EDEM1: variants seen among roughly 807,000 people sequenced by gnomAD.
EDEM1 encodes ER degradation-enhancing alpha-mannosidase-like protein 1.
In EDEM1, 67 loss-of-function variants were observed where a neutral mutation model predicts 74.4. The observed-to-expected ratio is 0.90, with a 90% CI of 0.74 to 1.10. EDEM1 has a LOEUF of 1.10. Among genes scored for constraint, EDEM1 ranks in the 50% least tolerant of loss-of-function variants. EDEM1 has a pLI of 0.00. For missense variants in EDEM1, 926 were observed against 851.6 expected (o/e 1.09, Z -1.09); for synonymous variants, 382 against 335.9 (o/e 1.14, Z -1.50).
At position 5,218,663 on chromosome 3, in the gene EDEM1, T is replaced by A. The variant is rs1488696773; in HGVS notation, c.*2745T>A. The A allele has an allele frequency of 6.6e-6, 1 of 152,182 alleles. No individual in the cohort carries two copies. The highest frequency in any genetic ancestry group is 1.5e-5 in the Non-Finnish European group (1 of 68,042). The allele number at this position is 152,182 out of a possible 1,614,324, so 9.4% of individuals were successfully genotyped here. On this transcript the variant is annotated 3_prime_UTR_variant, in exon 12 of 12. Transcript: ENST00000256497. Reference sequence around the variant, plus strand: ...CTGTTGTAGAAAGCTGCCTTATAGTTGGCTTGACAAAGCATAATTCTCTCA... The same window carrying A: ...CTGTTGTAGAAAGCTGCCTTATAGTAGGCTTGACAAAGCATAATTCTCTCA...
intron 1 of EDEM1, among the ~76,000 whole-genome samples, chr3:5,190,800 C>A (rs1017496727): frequency 2.0e-5 from 3 of 152,170 alleles, no homozygotes; most frequent in Non-Finnish European, 4.4e-5. Context: ...TTGCCACTTA[C>A]AAACAGTGGA....
chr3:5,196,913 G>A (rs183706987), intron 2 of EDEM1, among the ~76,000 whole-genome samples: 1 of 150,260 alleles, frequency 6.7e-6, no homozygotes, highest in East Asian at 1.9e-4. Context: ...CATCGTCGTC[G>A]TCTTTTCTTT....
intron 5 of EDEM1, among the ~76,000 whole-genome samples, chr3:5,203,376 C>T (rs758823868): frequency 6.6e-6 from 1 of 152,164 alleles, no homozygotes; most frequent in African/African-American, 2.4e-5. Flanking sequence ...GATTCGGATC[C>T]CCTGGCATAT....
At position 5,219,607 on chromosome 3, in the gene EDEM1, A is replaced by G. The variant is rs1042550289; in HGVS notation, c.*3689A>G. The G allele has an allele frequency of 2.0e-5, 3 of 152,418 alleles. No homozygotes were observed. Among genetic ancestry groups the G allele is most frequent in the African/African-American group, 7.2e-5 (3 of 41,460 alleles). 9.4% of individuals were successfully genotyped at this position (152,418 alleles called of 1,614,324 possible). On this transcript the variant is annotated 3_prime_UTR_variant, in exon 12 of 12. Transcript: ENST00000256497. ...TTCCTTCTTTCTGCAAGGCAGAGGAATAATATTTTTAAAGGTTATTTTGTT... is the reference window on the plus strand; with the variant it reads ...TTCCTTCTTTCTGCAAGGCAGAGGAGTAATATTTTTAAAGGTTATTTTGTT...
At chr3:5,209,337 C>T (rs1050752464) in intron 8 of EDEM1, among the ~76,000 whole-genome samples, 1 of 152,130 alleles carries the variant, frequency 6.6e-6, no homozygotes, top group Non-Finnish European at 1.5e-5. Context: ...GATGGCGTGC[C>T]GGTTACTGGC....
At chr3:5,215,754 A>C in intron 11 of EDEM1, 75 bp from the exon 12 acceptor site, 1 of 1,372,054 alleles carries the variant, frequency 7.3e-7, no homozygotes, top group East Asian at 2.3e-5. Context: ...GAAACCCTGG[A>C]TTAAGTCATC....
chr3:5,207,983 A>G, intron 7 of EDEM1, 110 bp from the exon 8 acceptor site: 1 of 1,314,888 alleles, frequency 7.6e-7, no homozygotes, highest in East Asian at 2.4e-5. Flanking sequence ...CCGTATGTGT[A>G]GGTCAACTAA....
chr3:5,210,545 G>A lies in EDEM1; in HGVS notation c.1583+297G>A, dbSNP rs924010237. On this transcript the variant is annotated intron_variant, in intron 9 of 11. Coordinates refer to ENST00000256497, the MANE Select transcript of EDEM1 (RefSeq NM_014674.3). The stretch of plus-strand genomic sequence containing the variant: ...GGAGTACAGAAAATATAAAGCAGTA[G>A]AATATTATCACTGTAATCTCCACAT... Among the ~76,000 whole-genome samples, 8 of 152,146 alleles carry A rather than the reference G, an allele frequency of 5.3e-5. No individual in the cohort carries two copies. In the South Asian group the frequency reaches 1.7e-3, roughly 32 times the overall value.
At chr3:5,205,289 T>C (rs2055083189) in intron 6 of EDEM1, 48 bp downstream of exon 6, 1 of 1,568,228 alleles carries the variant, frequency 6.4e-7, no homozygotes, top group Non-Finnish European at 8.7e-7. Flanking sequence ...GCAAATAGAA[T>C]GCATTCTGAA....
chr3:5,194,429 T>A (rs1183460111), intron 1 of EDEM1, among the ~76,000 whole-genome samples: 1 of 152,202 alleles, frequency 6.6e-6, no homozygotes, highest in African/African-American at 2.4e-5. Flanking sequence ...TGTTGTTGAC[T>A]TTTTTGTAAA....
intron 8 of EDEM1, 49 bp downstream of exon 8, chr3:5,208,312 C>G: frequency 6.3e-7 from 1 of 1,574,990 alleles, no homozygotes; most frequent in Non-Finnish European, 8.6e-7. Context: ...CTCCCCTGAC[C>G]CCAGCAGTTC....
At chr3:5,203,207 A>G in intron 5 of EDEM1, 58 bp downstream of exon 5, 3 of 1,468,726 alleles carry the variant, frequency 2.0e-6, no homozygotes, top group Non-Finnish European at 2.7e-6. Context: ...TTTTCCTTTC[A>G]TCTTCTCTGG....
chr3:5,216,207 T>C lies in EDEM1; in HGVS notation c.*289T>C, dbSNP rs141816631. The C allele has an allele frequency of 2.5e-6, 1 of 397,970 alleles. No homozygotes were observed. Among genetic ancestry groups the C allele is most frequent in the Admixed American group, 4.7e-5 (1 of 21,066 alleles). The allele number at this position is 397,970 out of a possible 1,614,324, so 24.7% of individuals were successfully genotyped here. ...GCACAATAGATGGGGCATCTTTGGA[T>C]TGATGTTCACAGCTTTATACTTCAG... is the stretch of plus-strand genomic sequence containing the variant. On this transcript the variant is annotated 3_prime_UTR_variant, in exon 12 of 12. Transcript: ENST00000256497.
Position 5,203,932 on chromosome 3 carries a change from T to C in EDEM1, c.1042+783T>C, listed in dbSNP as rs571154298. ...ATTTTATGTAGAGACAGGGTCTCAC[T>C]ATGTTGCCTGACTAGTCTCAAACTC... On this transcript the variant is annotated intron_variant, in intron 5 of 11. Transcript: ENST00000256497. Among the ~76,000 whole-genome samples the C allele has an allele frequency of 1.2e-4, 18 of 152,290 alleles. No homozygotes were observed. The South Asian group carries it at 1.9e-3, about 16-fold the overall frequency.
chr3:5,201,972 C>G, intron 4 of EDEM1, 48 bp downstream of exon 4: 1 of 1,561,774 alleles, frequency 6.4e-7, no homozygotes, highest in Non-Finnish European at 8.6e-7. Flanking sequence ...CACTATCTTC[C>G]TGAATTAAAA....
chr3:5,213,875 C>T (rs916518275), intron 11 of EDEM1, among the ~76,000 whole-genome samples: 2 of 152,166 alleles, frequency 1.3e-5, no homozygotes, highest in African/African-American at 4.8e-5. Context: ...TGACCCCTCC[C>T]CGCTCCCCCA....
rs201796285 is a variant in EDEM1 at position 5,203,158 on chromosome 3, C to G, written c.1042+9C>G. 16 of 1,549,978 alleles carry G rather than the reference C, an allele frequency of 1.0e-5. No individual in the cohort carries two copies. Among genetic ancestry groups the G allele is most frequent in the Admixed American group, 2.0e-5 (1 of 50,152 alleles). ...TGATACAGGATTACTAGGTGTGGCA[C>G]CTTTCCTCGCCATTGGGACTGCACA... On this transcript the variant is annotated intron_variant, in intron 5 of 11. Transcript: ENST00000256497.
intron 2 of EDEM1, among the ~76,000 whole-genome samples, chr3:5,198,995 T>A (rs1413602389): frequency 6.6e-6 from 1 of 152,224 alleles, no homozygotes; most frequent in Non-Finnish European, 1.5e-5. Flanking sequence ...GATCACTTTT[T>A]AAAAAGGACA....
At chr3:5,198,426 T>A (rs1373758970) in intron 2 of EDEM1, among the ~76,000 whole-genome samples, 3 of 151,780 alleles carry the variant, frequency 2.0e-5, no homozygotes, top group Non-Finnish European at 4.4e-5. Flanking sequence ...CTTATGCCTT[T>A]GTCTGGCTTA....
Sources: allele counts gnomAD v4.1 joint callset (sites outside exome capture counted in the v4.1 genomes callset), GRCh38; gene constraint gnomAD v4.1.1; transcripts MANE v1.5; gene names NCBI Gene and HGNC (gene_info 2026-07-23, HGNC 2026-07-21).